The following HDAC9 variants were observed in gnomAD, a reference collection of about 807,000 sequenced individuals.
HDAC9 encodes the protein MEF-2 interacting transcription repressor (MITR) protein.
Under a neutral mutation model 139.4 loss-of-function variants are expected in HDAC9, and 41 were observed. The observed-to-expected ratio is 0.29, with a 90% CI of 0.23 to 0.38. The LOEUF is 0.38. Ranked by LOEUF, HDAC9 falls within the 10% of genes least tolerant of loss-of-function variation. The probability of loss-of-function intolerance (pLI) is 1.00; values close to 1 mark genes in which losing one functional copy is unlikely to be tolerated. For synonymous variants in HDAC9, 517 were observed against 476.2 expected (o/e 1.09, Z -1.12); for missense variants, 1,147 against 1,297.0 (o/e 0.88, Z 1.78).
At chr7:18,657,818 C>T (rs1283307152) in intron 11 of HDAC9, among the ~76,000 whole-genome samples, 5 of 152,162 alleles carry the variant, frequency 3.3e-5, no homozygotes, top group Admixed American at 3.3e-4. Flanking sequence ...TACTTGCTCC[C>T]TCTTGTTTGT....
In HDAC9 at chr7:18,907,171, T is replaced by C. The variant is rs551852620; in HGVS notation, c.2804-28638T>C. 2.6e-5 allele frequency: 4 copies of C among 152,334 alleles called. No individual in the cohort carries two copies. In the East Asian group the frequency reaches 7.7e-4, roughly 29 times the overall value. The allele number at this position is 152,334 out of a possible 1,614,324, so 9.4% of individuals were successfully genotyped here. On this transcript the variant is annotated intron_variant, in intron 22 of 25. Coordinates refer to ENST00000686413, the MANE Select transcript of HDAC9 (RefSeq NM_178425.4). ...GTCAATCCTGCAGGATGTTGTCCCA[T>C]GCAGAGCATGGAAAGGTGTATTTTT... is the stretch of plus-strand genomic sequence containing the variant.
chr7:18,760,931 T>C (rs952047283), intron 14 of HDAC9, among the ~76,000 whole-genome samples: 3 of 152,216 alleles, frequency 2.0e-5, no homozygotes, highest in African/African-American at 7.2e-5. Context: ...TGTGGAATTG[T>C]CCTCGTCCTG....
intron 25 of HDAC9, among the ~76,000 whole-genome samples, chr7:18,983,202 T>G (rs1785075433): frequency 6.6e-6 from 1 of 152,224 alleles, no homozygotes; most frequent in Non-Finnish European, 1.5e-5. Context: ...CCATGCAACT[T>G]TTGTCTTTTT....
chr7:18,609,574 A>T (rs1836510350), intron 6 of HDAC9, among the ~76,000 whole-genome samples: 1 of 152,142 alleles, frequency 6.6e-6, no homozygotes, highest in African/African-American at 2.4e-5. Flanking sequence ...CATCACCTAA[A>T]GAAGATACAG....
chr7:18,203,506 C>G (rs1791283511), intron 2 of HDAC9, among the ~76,000 whole-genome samples: 1 of 152,084 alleles, frequency 6.6e-6, no homozygotes, highest in Non-Finnish European at 1.5e-5. Flanking sequence ...CAGAGGCATA[C>G]TATTCCAAGT....
chr7:18,265,698 G>A (rs977897809), intron 2 of HDAC9, among the ~76,000 whole-genome samples: 3 of 151,684 alleles, frequency 2.0e-5, no homozygotes, highest in East Asian at 1.9e-4. Context: ...ACATATTTTC[G>A]AAAAAAATTT....
chr7:18,243,249 C>T (rs751262880), intron 2 of HDAC9, among the ~76,000 whole-genome samples: 3 of 152,166 alleles, frequency 2.0e-5, no homozygotes, highest in Non-Finnish European at 2.9e-5. Flanking sequence ...TAATTGTGAA[C>T]GTTTATAGCA....
At chr7:18,192,311 C>T (rs888430848) in intron 2 of HDAC9, among the ~76,000 whole-genome samples, 1 of 152,118 alleles carries the variant, frequency 6.6e-6, no homozygotes, top group African/African-American at 2.4e-5. Flanking sequence ...GCTGCTGCTG[C>T]GTAATATCAT....
At chr7:18,356,371 T>TG (rs1489674444) in intron 1 of HDAC9, among the ~76,000 whole-genome samples, 113 of 143,844 alleles carry the variant, frequency 7.9e-4, no homozygotes, top group African/African-American at 2.8e-3. Context: ...TTTTTTTTTT[T>TG]TTTTTTTTTT....
chr7:18,569,853 A>G (rs1823662537), intron 2 of HDAC9, among the ~76,000 whole-genome samples: 1 of 152,004 alleles, frequency 6.6e-6, no homozygotes, highest in South Asian at 2.1e-4. Flanking sequence ...TGCACAGGGA[A>G]CCTAAAAAAA....
intron 1 of HDAC9, among the ~76,000 whole-genome samples, chr7:18,320,457 T>A (rs1050192343): frequency 6.6e-6 from 1 of 152,180 alleles, no homozygotes; most frequent in Non-Finnish European, 1.5e-5. Flanking sequence ...TTGAAAGATG[T>A]GTTGCTGCAG....
chr7:18,348,697 A>G (rs145139679), intron 1 of HDAC9, among the ~76,000 whole-genome samples: 98 of 152,310 alleles, frequency 6.4e-4, no homozygotes, highest in African/African-American at 2.1e-3. Flanking sequence ...AAATCTCCTA[A>G]CACAAACTTT....
chr7:18,265,090 T>C (rs1177425085), intron 2 of HDAC9, among the ~76,000 whole-genome samples: 1 of 152,192 alleles, frequency 6.6e-6, no homozygotes, highest in East Asian at 1.9e-4. Context: ...CAATGCTGGC[T>C]GAAGAATGGA....
At chr7:18,709,511 T>G (rs2129111580) in intron 12 of HDAC9, among the ~76,000 whole-genome samples, 1 of 152,324 alleles carries the variant, frequency 6.6e-6, no homozygotes, top group Admixed American at 6.5e-5. Flanking sequence ...TTATATCTAT[T>G]TAACAAGTAT....
chr7:18,888,303 T>C (rs1428863185), intron 22 of HDAC9, among the ~76,000 whole-genome samples: 1 of 152,138 alleles, frequency 6.6e-6, no homozygotes, highest in African/African-American at 2.4e-5. Flanking sequence ...CGGGCGCCTG[T>C]AGTCCCAGCT....
chr7:18,758,377 AT>A (rs1403638592), intron 14 of HDAC9, among the ~76,000 whole-genome samples: 1 of 152,180 alleles, frequency 6.6e-6, no homozygotes, highest in Non-Finnish European at 1.5e-5. Flanking sequence ...ACTTTAGCCT[AT>A]TTTTTGACTC....
intron 16 of HDAC9, among the ~76,000 whole-genome samples, chr7:18,779,361 C>T (rs549702024): frequency 1.3e-5 from 2 of 152,140 alleles, no homozygotes; most frequent in African/African-American, 4.8e-5. Context: ...CCCATTGTTA[C>T]AGCCTCAGAG....
intron 1 of HDAC9, among the ~76,000 whole-genome samples, chr7:18,438,110 TTATA>T (rs1488678566): frequency 6.7e-6 from 1 of 149,868 alleles, no homozygotes; most frequent in South Asian, 2.1e-4. Flanking sequence ...GGCTAAATAT[TTATA>T]TATTAAAAAT....
At chr7:18,162,885 C>A (rs533253554) in intron 2 of HDAC9, among the ~76,000 whole-genome samples, 78 of 152,108 alleles carry the variant, frequency 5.1e-4, no homozygotes, top group Non-Finnish European at 8.2e-4. Flanking sequence ...GTGTGCTGCT[C>A]ATGTAGTGCT....
Sources: gnomAD v4.1 joint callset for allele counts (sites outside exome capture counted in the v4.1 genomes callset) on GRCh38, gnomAD v4.1.1 for gene constraint, MANE v1.5 for transcripts, NCBI Gene and HGNC (gene_info 2026-07-23, HGNC 2026-07-21) for gene names.